The following GAK variants were observed in gnomAD, a reference collection of about 807,000 sequenced individuals.
The protein encoded by GAK is cyclin G associated kinase.
GAK carries 79 observed loss-of-function variants against 143.9 expected under a neutral mutation model. That is an observed-to-expected ratio of 0.55 (90% CI 0.46 to 0.66). The LOEUF (loss-of-function observed/expected upper bound fraction) is 0.66. GAK is among the 30% of genes least tolerant of loss of function. GAK has a pLI of 0.00. For synonymous variants in GAK, 881 were observed against 765.5 expected, an observed-to-expected ratio of 1.15 and a Z score of -2.49; for missense variants, 1,693 against 1,779.7, an observed-to-expected ratio of 0.95 and a Z score of 0.88.
chr4:897,365 T>C (rs1009779044), intron 6 of GAK, among the ~76,000 whole-genome samples: 2 of 152,162 alleles, frequency 1.3e-5, no homozygotes, highest in African/African-American at 2.4e-5. Context: ...AGACCTGCTT[T>C]CCAGGAATGA....
chr4:866,725 C>T (rs1751254149), intron 21 of GAK, among the ~76,000 whole-genome samples, 191 bp from the exon 22 acceptor site: 1 of 152,210 alleles, frequency 6.6e-6, no homozygotes, highest in Admixed American at 6.5e-5. Flanking sequence ...ATGACTTTCC[C>T]AGGGACACAG....
intron 24 of GAK, among the ~76,000 whole-genome samples, chr4:857,663 T>C (rs540001147): frequency 3.0e-4 from 46 of 152,260 alleles, no homozygotes; most frequent in African/African-American, 9.4e-4. Context: ...CCATCCCCCA[T>C]ATCGATGACC....
chr4:932,201 C>G lies in GAK; in HGVS notation c.-14G>C. ...CAGCAGCGACATGGCGGTGGCTGCG[C>G]CGCACCCCGCGGCAGCCGGAGTGGT... is the stretch of plus-strand genomic sequence containing the variant. On this transcript the variant is annotated 5_prime_UTR_variant, in exon 1 of 28. Transcript: ENST00000314167. This position sits in a 1 kb window ranked among gnomAD's most constrained non-coding sequence, Gnocchi z 4.0. 2.0e-6 allele frequency: 3 copies of G among 1,525,070 alleles called. No homozygotes were observed. The highest frequency in any genetic ancestry group is 2.6e-6 in the Non-Finnish European group (3 of 1,139,644). The allele number at this position is 1,525,070 out of a possible 1,614,324, so 94.5% of individuals were successfully genotyped here.
rs1719994600 is a variant in GAK, at chr4:902,203, C to T, written c.525+2434G>A. On this transcript the variant is annotated intron_variant, in intron 5 of 27. Transcript: ENST00000314167. ...CATGAGCCGAGATCGTGCCACTGCACTCCAGCCTGGGCAACAGAGCAAGAC... is the reference window on the plus strand; with the variant it reads ...CATGAGCCGAGATCGTGCCACTGCATTCCAGCCTGGGCAACAGAGCAAGAC... Among the ~76,000 whole-genome samples, 3 of 151,184 alleles carry T rather than the reference C, an allele frequency of 2.0e-5. No homozygotes were observed. The South Asian group carries it at 6.2e-4, about 31-fold the overall frequency.
chr4:856,384 C>T (rs1438824168), intron 24 of GAK, among the ~76,000 whole-genome samples: 1 of 88,804 alleles, frequency 1.1e-5, no homozygotes, highest in Non-Finnish European at 2.5e-5. Flanking sequence ...ACCACAGCTG[C>T]TCACACCTGC....
chr4:885,247 G>A (rs1404234719), intron 11 of GAK, among the ~76,000 whole-genome samples: 2 of 152,178 alleles, frequency 1.3e-5, no homozygotes, highest in Non-Finnish European at 2.9e-5. Flanking sequence ...CACAAAGCAT[G>A]GCTACTGGAC....
At chr4:863,924 G>A (rs1360586793) in intron 23 of GAK, among the ~76,000 whole-genome samples, 2 of 152,212 alleles carry the variant, frequency 1.3e-5, no homozygotes, top group African/African-American at 2.4e-5. Flanking sequence ...TCAGGAGGCT[G>A]AGGCAGGAGA....
chr4:930,703 C>G (rs539221128), intron 1 of GAK, among the ~76,000 whole-genome samples: 1 of 152,062 alleles, frequency 6.6e-6, no homozygotes, highest in African/African-American at 2.4e-5. Context: ...TGAGAGAAAT[C>G]TTCCAACTGA....
At chr4:889,487 G>A (rs1177206891) in intron 10 of GAK, among the ~76,000 whole-genome samples, 7 of 151,848 alleles carry the variant, frequency 4.6e-5, no homozygotes, top group African/African-American at 1.7e-4. Flanking sequence ...GCAGACAGGA[G>A]ACCGAGGCCC....
intron 15 of GAK, among the ~76,000 whole-genome samples, chr4:880,104 C>T (rs1714787666): frequency 1.3e-5 from 2 of 151,760 alleles, no homozygotes; most frequent in South Asian, 2.1e-4. Flanking sequence ...ATGTGGACCA[C>T]TGGACCACGC....
In GAK at chr4:867,229, T is replaced by C; in HGVS notation, c.2599A>G (p.Thr867Ala). The C allele has an allele frequency of 1.9e-6, 3 of 1,612,668 alleles. No individual in the cohort carries two copies. The highest frequency in any genetic ancestry group is 2.5e-6 in the Non-Finnish European group (3 of 1,179,570). ...VQQDLVFEVE[T>A]PAVLPEPVPQ... is the part of the protein sequence containing the mutation. ...ACAGGCTCTGGCAGCACAGCCGGTGTCTCCACCTCAAAAACCAAGTCCTGC... is the reference window on the plus strand; with the variant it reads ...ACAGGCTCTGGCAGCACAGCCGGTGCCTCCACCTCAAAAACCAAGTCCTGC... The change falls in exon 21 of 28, where the codon ACA becomes GCA. Residue 867 changes from threonine (T) to alanine (A), a missense_variant. Thr to Ala is a moderately conservative substitution (Grantham distance 58). Around this residue, in one of 2 missense-constraint regions of GAK, gnomAD observed 822 missense variants for 788.7 expected, o/e 1.04. Coordinates refer to ENST00000314167, the MANE Select transcript of GAK (RefSeq NM_005255.4).
intron 5 of GAK, among the ~76,000 whole-genome samples, chr4:903,814 G>C (rs928648255): frequency 9.9e-5 from 15 of 152,212 alleles, no homozygotes; most frequent in African/African-American, 3.1e-4. Flanking sequence ...ACTGGAGTGA[G>C]CAAGCATCCA....
chr4:898,012 C>T (rs1412801652), intron 6 of GAK, 21 bp downstream of exon 6: 1 of 1,605,144 alleles, frequency 6.2e-7, no homozygotes, highest in Non-Finnish European at 8.5e-7. Flanking sequence ...CTTCCCCCAG[C>T]ATAGGCCCCA....
In GAK at chr4:888,942, C is replaced by T. The variant is rs772501769; in HGVS notation, c.1110G>A (p.Pro370=). 4.2e-5 allele frequency: 68 copies of T among 1,611,864 alleles called. No individual in the cohort carries two copies. Among genetic ancestry groups the T allele is most frequent in the South Asian group, 2.3e-4 (21 of 90,966 alleles). Residue 370 remains proline (P), a synonymous_variant, in exon 11 of 28, where the codon CCG becomes CCA. Transcript: ENST00000314167. The stretch of plus-strand genomic sequence containing the variant: ...GCAGAATGTCCAGGAAGCCGCCATA[C>T]GGCTGGTCGTACTCCGCCAGCGCCA... The part of the protein sequence containing the change: ...GGLALAEYDQ[P]YGGFLDILRG...
chr4:893,961 CA>C lies in GAK; in HGVS notation c.789del (p.Phe263LeufsTer9). The C allele has an allele frequency of 6.2e-7, 1 of 1,612,776 alleles. No individual in the cohort carries two copies. Among genetic ancestry groups the C allele is most frequent in the Non-Finnish European group, 8.5e-7 (1 of 1,179,672 alleles). On this transcript the variant is annotated frameshift_variant, in exon 8 of 28. Transcript: ENST00000314167. LOFTEE classifies it high-confidence loss of function. ...ACTATTCGAAGTTTCGCTCCATCCT[CA>C]AAAGGGTGCTGCCGGAAGCACAGCA... ...LYLLCFRQHP[F>X]EDGAKLRIVN...
At chr4:920,615 C>T (rs547180267) in intron 1 of GAK, among the ~76,000 whole-genome samples, 2 of 146,558 alleles carry the variant, frequency 1.4e-5, no homozygotes, top group East Asian at 4.2e-4. Flanking sequence ...ACAATCCCGG[C>T]TCACTGCAAC....
chr4:877,285 G>C, intron 16 of GAK, 78 bp from the exon 17 acceptor site: 1 of 988,730 alleles, frequency 1.0e-6, no homozygotes, highest in Non-Finnish European at 1.6e-6. Flanking sequence ...AACAGAATGA[G>C]AAATTGTCCA....
At chr4:906,517 C>A (rs1211354131) in intron 4 of GAK, among the ~76,000 whole-genome samples, 1 of 152,096 alleles carries the variant, frequency 6.6e-6, no homozygotes, top group East Asian at 1.9e-4. Flanking sequence ...GCCAGTCACC[C>A]CAGCACCCCT....
intron 4 of GAK, among the ~76,000 whole-genome samples, chr4:907,103 C>T (rs1478222845): frequency 6.6e-6 from 1 of 152,238 alleles, no homozygotes; most frequent in Non-Finnish European, 1.5e-5. Flanking sequence ...GTAGCCGACT[C>T]AATTCCACTG....
Sources: allele counts gnomAD v4.1 joint callset (sites outside exome capture counted in the v4.1 genomes callset), GRCh38; gene constraint gnomAD v4.1.1; regional missense constraint gnomAD v4.1.1; non-coding constraint Gnocchi (gnomAD v3.1); transcripts MANE v1.5; gene names NCBI Gene and HGNC (gene_info 2026-07-23, HGNC 2026-07-21).